LRBA: variants seen among roughly 807,000 people sequenced by gnomAD.
LRBA encodes LPS responsive beige-like anchor protein.
In LRBA, 176 loss-of-function variants were observed where a neutral mutation model predicts 330.0. The ratio of observed to expected loss-of-function variants is 0.53; its 90% CI spans 0.47 to 0.60. The LOEUF (loss-of-function observed/expected upper bound fraction) is 0.60. Among genes scored for constraint, LRBA ranks in the 20% least tolerant of loss-of-function variants. The probability of loss-of-function intolerance (pLI) is 0.00; values close to 1 mark genes in which losing one functional copy is unlikely to be tolerated. For synonymous variants in LRBA, 1,230 were observed against 1,193.0 expected (o/e 1.03, Z -0.64); for missense variants, 3,259 against 3,444.8 (o/e 0.95, Z 1.35).
intron 36 of LRBA, among the ~76,000 whole-genome samples, chr4:150,711,699 C>T (rs1786238221): frequency 6.6e-6 from 1 of 152,130 alleles, no homozygotes; most frequent in Non-Finnish European, 1.5e-5. Context: ...TATTAAAAAA[C>T]CCATCAATAA....
intron 40 of LRBA, among the ~76,000 whole-genome samples, chr4:150,494,659 G>A (rs1759359922): frequency 6.6e-6 from 1 of 152,158 alleles, no homozygotes; most frequent in Non-Finnish European, 1.5e-5. Flanking sequence ...AACACTGCAA[G>A]TGTCATAGTC....
At chr4:150,824,994 G>C (rs909236439) in intron 30 of LRBA, among the ~76,000 whole-genome samples, 1 of 151,042 alleles carries the variant, frequency 6.6e-6, no homozygotes, top group Admixed American at 6.6e-5. Context: ...CAAATTCCTG[G>C]ACTCAAGCAA....
At chr4:150,851,564 G>C (rs964073757) in intron 23 of LRBA, among the ~76,000 whole-genome samples, 2 of 152,198 alleles carry the variant, frequency 1.3e-5, no homozygotes, top group Admixed American at 6.5e-5. Context: ...AATGTACTAG[G>C]ATTGGGTTAG....
At chr4:150,487,639 A>G in intron 42 of LRBA, 93 bp downstream of exon 42, 1 of 594,740 alleles carries the variant, frequency 1.7e-6, no homozygotes, top group Non-Finnish European at 2.9e-6. Flanking sequence ...GAACATTAAT[A>G]CAGATTAATG....
chr4:150,843,247 T>A (rs944300490), intron 28 of LRBA, among the ~76,000 whole-genome samples: 1 of 151,356 alleles, frequency 6.6e-6, no homozygotes, highest in South Asian at 2.1e-4. Context: ...ATTCTACATA[T>A]GCATAAAAAC....
intron 37 of LRBA, among the ~76,000 whole-genome samples, chr4:150,677,074 T>C (rs962861210): frequency 6.6e-6 from 1 of 152,150 alleles, no homozygotes; most frequent in African/African-American, 2.4e-5. Context: ...TTGAAACAAA[T>C]ATTTCTCAGT....
chr4:151,003,976 G>C (rs1475597328), intron 2 of LRBA, among the ~76,000 whole-genome samples: 1 of 150,882 alleles, frequency 6.6e-6, no homozygotes. Context: ...GTGGGGTACA[G>C]TGACACAATC....
intron 28 of LRBA, among the ~76,000 whole-genome samples, chr4:150,836,677 TTC>T (rs774444948): frequency 1.1e-4 from 17 of 152,210 alleles, no homozygotes; most frequent in African/African-American, 2.2e-4. Flanking sequence ...CATTCGATTC[TTC>T]TCTCTTTTCT....
In LRBA at chr4:150,806,792, A is replaced by AT. The variant is rs1742860959; in HGVS notation, c.5385-389dup. ...CACTGAGTTCAAGAACCATGACTTC[A>AT]TTTTAAAATTCACAGTTATAGCATA... On this transcript the variant is annotated intron_variant, in intron 32 of 56. Coordinates refer to ENST00000651943, the MANE Select transcript of LRBA (RefSeq NM_001364905.1). 2.0e-5 allele frequency among the ~76,000 whole-genome samples: 3 copies of AT among 152,058 alleles called. No individual in the cohort carries two copies. In the South Asian group the frequency reaches 6.2e-4, roughly 31 times the overall value.
At chr4:150,818,110 T>C (rs1487288260) in intron 30 of LRBA, among the ~76,000 whole-genome samples, 5 of 152,124 alleles carry the variant, frequency 3.3e-5, no homozygotes, top group African/African-American at 1.2e-4. Context: ...CTTCAAGTAT[T>C]CCCTTAATAG....
intron 2 of LRBA, among the ~76,000 whole-genome samples, chr4:150,999,292 G>A (rs1743066166): frequency 6.6e-6 from 1 of 152,032 alleles, no homozygotes; most frequent in Non-Finnish European, 1.5e-5. Flanking sequence ...GGGAAGTAGA[G>A]ATAAAATCTC....
chr4:150,525,455 T>C (rs1229228604), intron 40 of LRBA, among the ~76,000 whole-genome samples: 1 of 152,070 alleles, frequency 6.6e-6, no homozygotes. Context: ...TGTGGGAAAA[T>C]GGGCTGTGTG....
intron 40 of LRBA, among the ~76,000 whole-genome samples, chr4:150,532,240 G>A (rs544677921): frequency 2.6e-5 from 4 of 152,196 alleles, no homozygotes; most frequent in South Asian, 2.1e-4. Flanking sequence ...CTAGTCAAGC[G>A]GAAATGGTTA....
At chr4:150,267,231 G>T (rs1560935665) in intron 56 of LRBA, among the ~76,000 whole-genome samples, 1 of 152,268 alleles carries the variant, frequency 6.6e-6, no homozygotes, top group Non-Finnish European at 1.5e-5. Context: ...AACAACAATA[G>T]AATATACATT....
intron 36 of LRBA, among the ~76,000 whole-genome samples, chr4:150,715,241 C>G (rs1786629208): frequency 6.6e-6 from 1 of 152,026 alleles, no homozygotes; most frequent in Non-Finnish European, 1.5e-5. Flanking sequence ...AAATACCCAC[C>G]CCAACCTCTC....
chr4:150,512,649 G>A (rs1183125548), intron 40 of LRBA, among the ~76,000 whole-genome samples: 2 of 140,852 alleles, frequency 1.4e-5, no homozygotes, highest in Non-Finnish European at 3.0e-5. Flanking sequence ...ATAAATTTCT[G>A]TTGTTTATAA....
chr4:150,867,709 G>C lies in LRBA; in HGVS notation c.2728C>G (p.Arg910Gly). Residue 910 changes from arginine (R) to glycine (G), a missense_variant, in exon 22 of 57, where the codon CGT becomes GGT. By Grantham distance (125) the Arg-to-Gly change is moderately radical (BLOSUM62 -2). Transcript: ENST00000651943. ...ATTGATAAAGTGTCTACCCATACAC[G>C]CCAGCCACCCCACTCATATTTGACT... Reference protein sequence around the residue: ...HAVKYEWGGWRVWVDTLSITH... With the variant: ...HAVKYEWGGWGVWVDTLSITH... 6.2e-7 allele frequency: 1 copy of C among 1,613,250 alleles called. No individual in the cohort carries two copies. The highest frequency in any genetic ancestry group is 8.5e-7 in the Non-Finnish European group (1 of 1,179,658).
chr4:150,642,633 A>G (rs1204798264), intron 37 of LRBA, among the ~76,000 whole-genome samples: 2 of 151,930 alleles, frequency 1.3e-5, no homozygotes, highest in Non-Finnish European at 2.9e-5. Flanking sequence ...ATGCAGATCA[A>G]TTCTGTTACT....
intron 2 of LRBA, among the ~76,000 whole-genome samples, chr4:150,962,288 T>C (rs547554756): frequency 6.7e-6 from 1 of 149,194 alleles, no homozygotes; most frequent in Admixed American, 6.6e-5. Flanking sequence ...GAGGCTGAGA[T>C]AGGAGGATTG....
Sources: allele counts gnomAD v4.1 joint callset (sites outside exome capture counted in the v4.1 genomes callset), GRCh38; gene constraint gnomAD v4.1.1; transcripts MANE v1.5; gene names NCBI Gene and HGNC (gene_info 2026-07-23, HGNC 2026-07-21).